The following RARB variants were observed in gnomAD, a reference collection of about 807,000 sequenced individuals.
RARB encodes the protein HBV-activated protein.
A neutral mutation model predicts 51.9 loss-of-function variants in RARB; 17 were observed. The observed-to-expected ratio is 0.33, with a 90% CI of 0.22 to 0.49. The LOEUF (loss-of-function observed/expected upper bound fraction) is 0.49. Among genes scored for constraint, RARB ranks in the 20% least tolerant of loss-of-function variants. The probability of loss-of-function intolerance (pLI) is 0.99; values close to 1 mark genes in which losing one functional copy is unlikely to be tolerated. For missense variants in RARB, 369 were observed against 550.8 expected, an observed-to-expected ratio of 0.67 and a Z score of 3.30; for synonymous variants, 215 against 195.4, an observed-to-expected ratio of 1.10 and a Z score of -0.84.
intron 3 of RARB, among the ~76,000 whole-genome samples, chr3:25,561,850 C>A (rs1005496243): frequency 7.9e-5 from 12 of 152,150 alleles, no homozygotes; most frequent in Non-Finnish European, 1.2e-4. Flanking sequence ...AAAGAATATA[C>A]ATGACACAGA....
chr3:24,914,797 G>A (rs1227128496), intron 2 of RARB, among the ~76,000 whole-genome samples: 1 of 152,080 alleles, frequency 6.6e-6, no homozygotes, highest in Non-Finnish European at 1.5e-5. Flanking sequence ...TGTGGAACTC[G>A]AGATACAGAG....
intron 5 of RARB, among the ~76,000 whole-genome samples, chr3:25,312,824 C>A (rs181940278): frequency 6.6e-6 from 1 of 152,150 alleles, no homozygotes; most frequent in African/African-American, 2.4e-5. Flanking sequence ...AGCAGCTGTC[C>A]CTCGCGGATA....
chr3:25,354,565 G>T (rs1705674202), intron 5 of RARB, among the ~76,000 whole-genome samples: 1 of 152,104 alleles, frequency 6.6e-6, no homozygotes, highest in Non-Finnish European at 1.5e-5. Context: ...AAACCGAGTT[G>T]TTATTCTTCC....
intron 5 of RARB, among the ~76,000 whole-genome samples, chr3:25,215,911 C>T (rs182433317): frequency 6.6e-6 from 1 of 152,174 alleles, no homozygotes; most frequent in Non-Finnish European, 1.5e-5. Context: ...CAAACTGAAA[C>T]TGGCACTTTA....
chr3:24,866,405 A>T (rs1472064701), intron 2 of RARB, among the ~76,000 whole-genome samples: 1 of 152,186 alleles, frequency 6.6e-6, no homozygotes, highest in South Asian at 2.1e-4. Flanking sequence ...ACTGACATGT[A>T]TACAGGGAAA....
chr3:25,075,344 C>G (rs1367742795), intron 3 of RARB, among the ~76,000 whole-genome samples: 2 of 152,166 alleles, frequency 1.3e-5, no homozygotes, highest in African/African-American at 4.8e-5. Flanking sequence ...AGCCAACAAA[C>G]CAGTTTCAGT....
intron 5 of RARB, among the ~76,000 whole-genome samples, chr3:25,216,571 C>A (rs142982495): frequency 1.4e-5 from 2 of 145,772 alleles, no homozygotes; most frequent in East Asian, 4.4e-4. Flanking sequence ...CAACACACAC[C>A]GGGGCCTATT....
chr3:25,018,739 A>G (rs1046630873), intron 2 of RARB, among the ~76,000 whole-genome samples: 9 of 152,304 alleles, frequency 5.9e-5, no homozygotes, highest in Middle Eastern at 3.4e-3. Flanking sequence ...CTGGGCAACT[A>G]TCCTTCTCAG....
intron 2 of RARB, among the ~76,000 whole-genome samples, chr3:25,468,410 TTTA>T (rs1695540658): frequency 6.7e-6 from 1 of 148,690 alleles, no homozygotes; most frequent in Non-Finnish European, 1.5e-5. Flanking sequence ...CCATAGCGCT[TTTA>T]TTTCTCACAA....
At chr3:25,085,374 A>G (rs542931578) in intron 3 of RARB, among the ~76,000 whole-genome samples, 2 of 152,240 alleles carry the variant, frequency 1.3e-5, no homozygotes, top group East Asian at 1.9e-4. Context: ...TTGCCATTTC[A>G]TGGAATGGGA....
chr3:25,130,491 T>C (rs1699928120), intron 3 of RARB, among the ~76,000 whole-genome samples: 1 of 151,996 alleles, frequency 6.6e-6, no homozygotes, highest in Non-Finnish European at 1.5e-5. Flanking sequence ...TTTTTTTTAA[T>C]AAAATAGTGG....
intron 5 of RARB, among the ~76,000 whole-genome samples, chr3:25,337,808 C>T (rs1476146928): frequency 6.6e-6 from 1 of 151,902 alleles, no homozygotes; most frequent in South Asian, 2.1e-4. Context: ...CAGGAGTATA[C>T]GTTTCTTGTT....
At chr3:25,137,797 C>T (rs1700054056) in intron 4 of RARB, among the ~76,000 whole-genome samples, 1 of 152,044 alleles carries the variant, frequency 6.6e-6, no homozygotes, top group African/African-American at 2.4e-5. Flanking sequence ...AGCCAGAGTC[C>T]ACCCTTCTAA....
At chr3:25,001,756 C>A (rs1458417481) in intron 2 of RARB, among the ~76,000 whole-genome samples, 1 of 152,160 alleles carries the variant, frequency 6.6e-6, no homozygotes, top group Admixed American at 6.5e-5. Context: ...TGATTTTTTA[C>A]TTATCTCAAG....
At chr3:25,380,376 G>C (rs1199671730) in intron 5 of RARB, among the ~76,000 whole-genome samples, 1 of 152,178 alleles carries the variant, frequency 6.6e-6, no homozygotes, top group African/African-American at 2.4e-5. Context: ...CTGGCCTCCA[G>C]AGTGACCCCA....
chr3:25,137,619 TTAACTG>T (rs1700051351), intron 4 of RARB, among the ~76,000 whole-genome samples: 1 of 152,130 alleles, frequency 6.6e-6, no homozygotes, highest in Non-Finnish European at 1.5e-5. Context: ...CTTATTGAAT[TTAACTG>T]TAATTCTCAA....
chr3:24,832,627 CAATA>C (rs772637308), intron 1 of RARB, among the ~76,000 whole-genome samples: 38 of 79,384 alleles, frequency 4.8e-4, no homozygotes, highest in Middle Eastern at 5.4e-3. Flanking sequence ...AATTGAGTCC[CAATA>C]TATATATATA....
intron 2 of RARB, among the ~76,000 whole-genome samples, chr3:24,877,346 C>CTTTTTTTTT (rs66976672): frequency 0.15 from 12,386 of 80,400 alleles, 2,125 homozygotes; most frequent in South Asian, 0.23. Context: ...AGCAATCTTA[C>CTTTTTTTTT]TTTTTTTTTT....
At chr3:25,362,132 T>G (rs1442025279) in intron 5 of RARB, among the ~76,000 whole-genome samples, 1 of 152,096 alleles carries the variant, frequency 6.6e-6, no homozygotes, top group African/African-American at 2.4e-5. Context: ...AGATGGGAGT[T>G]TTATCTATAA....
Sources: allele counts gnomAD v4.1 joint callset (sites outside exome capture counted in the v4.1 genomes callset), GRCh38; gene constraint gnomAD v4.1.1; transcripts MANE v1.5; gene names NCBI Gene and HGNC (gene_info 2026-07-23, HGNC 2026-07-21).